The following SH3RF3 variants were observed in gnomAD, a reference collection of about 807,000 sequenced individuals.
SH3RF3 encodes the protein SH3 domain containing ring finger 3.
In SH3RF3, 29 loss-of-function variants were observed where a neutral mutation model predicts 66.3. That is an observed-to-expected ratio of 0.44 (90% confidence interval 0.33 to 0.60). The LOEUF is 0.60. Ranked by LOEUF, SH3RF3 falls within the 20% of genes least tolerant of loss-of-function variation. The probability of loss-of-function intolerance (pLI) is 0.04; values close to 1 mark genes in which losing one functional copy is unlikely to be tolerated. For missense variants in SH3RF3, 1,194 were observed against 1,190.9 expected (o/e 1.00, Z -0.04); for synonymous variants, 583 against 532.0 (o/e 1.10, Z -1.32).
chr2:109,401,253 T>C (rs573554802), intron 4 of SH3RF3, among the ~76,000 whole-genome samples: 1 of 152,352 alleles, frequency 6.6e-6, no homozygotes, highest in South Asian at 2.1e-4. Flanking sequence ...GTTGGCGATG[T>C]GAACAGTCGA....
chr2:109,223,300 G>A (rs1321725390), intron 1 of SH3RF3, among the ~76,000 whole-genome samples: 1 of 152,202 alleles, frequency 6.6e-6, no homozygotes, highest in Non-Finnish European at 1.5e-5. Flanking sequence ...CACCAGCCAC[G>A]TGAGCAGCCT....
rs574196570 is a variant in SH3RF3, at chr2:109,416,634, C to G, written c.1300-2905C>G. On this transcript the variant is annotated intron_variant, in intron 4 of 9. Transcript: ENST00000309415. Reference sequence around the variant, plus strand: ...TCCTGACCACATGATCTGCCCGCCTCAGCCTCCCAAAATGCTGGGATTACA... The same window carrying G: ...TCCTGACCACATGATCTGCCCGCCTGAGCCTCCCAAAATGCTGGGATTACA... 2.0e-5 allele frequency among the ~76,000 whole-genome samples: 3 copies of G among 152,032 alleles called. No homozygotes were observed. The East Asian group carries it at 5.9e-4, about 30-fold the overall frequency.
At position 109,313,372 on chromosome 2, in the gene SH3RF3, C is replaced by T. The variant is rs111827927; in HGVS notation, c.574-34302C>T. Among the ~76,000 whole-genome samples the T allele has an allele frequency of 6.9e-3, 1,052 of 152,330 alleles. 17 individuals are homozygous for T. Among genetic ancestry groups the T allele is most frequent in the African/African-American group, 0.024 (994 of 41,574 alleles). On this transcript the variant is annotated intron_variant, in intron 1 of 9. Transcript: ENST00000309415. ...ATGCAGTTCAGCCTAATGCACAGCC[C>T]GGGATGAGACTGCAGGTGAAGTGTC... is the stretch of plus-strand genomic sequence containing the variant.
At chr2:109,322,126 G>C (rs1385484542) in intron 1 of SH3RF3, among the ~76,000 whole-genome samples, 3 of 152,280 alleles carry the variant, frequency 2.0e-5, no homozygotes, top group South Asian at 2.1e-4. Flanking sequence ...GGAAAAAGAA[G>C]GGTAAGGAGT....
chr2:109,409,340 G>A (rs1676529159), intron 4 of SH3RF3, among the ~76,000 whole-genome samples: 1 of 152,220 alleles, frequency 6.6e-6, no homozygotes, highest in Non-Finnish European at 1.5e-5. Flanking sequence ...AGACTTTGCA[G>A]CCAGGTAGTA....
At chr2:109,185,750 G>A (rs543256840) in intron 1 of SH3RF3, among the ~76,000 whole-genome samples, 36 of 152,326 alleles carry the variant, frequency 2.4e-4, no homozygotes, top group African/African-American at 8.7e-4. Context: ...AACTCATCCA[G>A]GATTTTATAT....
At chr2:109,483,670 C>A (rs1321232252) in intron 8 of SH3RF3, among the ~76,000 whole-genome samples, 2 of 152,238 alleles carry the variant, frequency 1.3e-5, no homozygotes, top group Admixed American at 6.5e-5. Context: ...AGGCTGGACA[C>A]ACAAAGGAGT....
intron 1 of SH3RF3, among the ~76,000 whole-genome samples, chr2:109,240,798 C>A (rs1679760037): frequency 6.6e-6 from 1 of 151,942 alleles, no homozygotes; most frequent in South Asian, 2.1e-4. Flanking sequence ...TGAGGGGTTT[C>A]TCTTCTCTTC....
At chr2:109,317,923 C>T (rs575875230) in intron 1 of SH3RF3, among the ~76,000 whole-genome samples, 4 of 152,178 alleles carry the variant, frequency 2.6e-5, no homozygotes, top group Admixed American at 6.5e-5. Flanking sequence ...CTGGCTGCAC[C>T]GCTGAGGGGA....
intron 2 of SH3RF3, among the ~76,000 whole-genome samples, chr2:109,351,164 G>A (rs534277474): frequency 1.3e-5 from 2 of 152,324 alleles, no homozygotes; most frequent in South Asian, 2.1e-4. Context: ...ATAAAAAGAC[G>A]ACAGGCAGGA....
intron 1 of SH3RF3, among the ~76,000 whole-genome samples, chr2:109,177,855 A>G (rs1364599272): frequency 6.6e-6 from 1 of 152,234 alleles, no homozygotes; most frequent in Admixed American, 6.5e-5. Flanking sequence ...CTTGTAGGTC[A>G]AGAACAAGTA....
intron 1 of SH3RF3, among the ~76,000 whole-genome samples, chr2:109,154,716 G>C (rs1000488892): frequency 6.6e-6 from 1 of 152,212 alleles, no homozygotes; most frequent in African/African-American, 2.4e-5. Flanking sequence ...GTTTGGACAA[G>C]GTCTGTGGGG....
At chr2:109,468,575 C>T (rs1034397983) in intron 8 of SH3RF3, among the ~76,000 whole-genome samples, 3 of 151,998 alleles carry the variant, frequency 2.0e-5, no homozygotes, top group Non-Finnish European at 4.4e-5. Flanking sequence ...GAAGTTAGGC[C>T]CGGTGTGGTA....
intron 1 of SH3RF3, among the ~76,000 whole-genome samples, chr2:109,147,539 C>T (rs1357014957): frequency 6.6e-6 from 1 of 152,166 alleles, no homozygotes; most frequent in Non-Finnish European, 1.5e-5. Flanking sequence ...AAATGGAATG[C>T]TAAACATAGT....
At chr2:109,472,864 CAT>C (rs1325292555) in intron 8 of SH3RF3, among the ~76,000 whole-genome samples, 2 of 152,226 alleles carry the variant, frequency 1.3e-5, no homozygotes, top group African/African-American at 2.4e-5. Context: ...CACACTCAGA[CAT>C]ATCCCAGGGC....
At chr2:109,452,475 G>A (rs915708717) in intron 8 of SH3RF3, among the ~76,000 whole-genome samples, 2 of 152,230 alleles carry the variant, frequency 1.3e-5, no homozygotes, top group Admixed American at 1.3e-4. Context: ...ATATACCTCA[G>A]TGCAGCGCAG....
intron 8 of SH3RF3, among the ~76,000 whole-genome samples, chr2:109,464,534 A>G (rs886940012): frequency 6.6e-6 from 1 of 152,226 alleles, no homozygotes; most frequent in Admixed American, 6.5e-5. Flanking sequence ...CCTTGCATAC[A>G]TACACATCCT....
intron 1 of SH3RF3, among the ~76,000 whole-genome samples, chr2:109,307,807 T>C (rs1215971702): frequency 6.9e-6 from 1 of 145,670 alleles, no homozygotes; most frequent in Non-Finnish European, 1.5e-5. Context: ...CCACATTTTC[T>C]TAATCCAGTC....
At chr2:109,186,692 C>G (rs1678196673) in intron 1 of SH3RF3, among the ~76,000 whole-genome samples, 1 of 152,182 alleles carries the variant, frequency 6.6e-6, no homozygotes. Context: ...TAGCTTTTCT[C>G]AAAGGAGCCA....
Sources: allele counts gnomAD v4.1 joint callset (sites outside exome capture counted in the v4.1 genomes callset), GRCh38; gene constraint gnomAD v4.1.1; transcripts MANE v1.5; gene names NCBI Gene and HGNC (gene_info 2026-07-23, HGNC 2026-07-21).